KCNIP3: variants seen among roughly 807,000 people sequenced by gnomAD.
KCNIP3 encodes potassium voltage-gated channel interacting protein 3.
A neutral mutation model predicts 35.0 loss-of-function variants in KCNIP3; 28 were observed. That is an observed-to-expected ratio of 0.80 (90% CI 0.59 to 1.10). The LOEUF is 1.10. Ranked by LOEUF, KCNIP3 falls within the 50% of genes least tolerant of loss-of-function variation. The pLI, the probability that KCNIP3 is intolerant of heterozygous loss-of-function variation, is 0.00. For synonymous variants in KCNIP3, 134 were observed against 133.8 expected (o/e 1.00, Z -0.01); for missense variants, 295 against 338.4 (o/e 0.87, Z 1.01).
At chr2:95,341,330 G>T (rs1426161434) in intron 2 of KCNIP3, among the ~76,000 whole-genome samples, 1 of 152,298 alleles carries the variant, frequency 6.6e-6, no homozygotes, top group Non-Finnish European at 1.5e-5. Context: ...GAGGATACCA[G>T]CACCACGCTG....
intron 2 of KCNIP3, among the ~76,000 whole-genome samples, chr2:95,373,130 C>T (rs1423319097): frequency 2.6e-5 from 4 of 152,142 alleles, no homozygotes; most frequent in African/African-American, 9.7e-5. Context: ...GGATCACCAC[C>T]ATTCTGTGTG....
chr2:95,328,909 G>A (rs903477745), intron 2 of KCNIP3, among the ~76,000 whole-genome samples: 2 of 152,194 alleles, frequency 1.3e-5, no homozygotes, highest in Non-Finnish European at 2.9e-5. Flanking sequence ...GCAGGCTGCT[G>A]GCTGGGGCCA....
At chr2:95,364,558 G>A (rs1287696407) in intron 2 of KCNIP3, among the ~76,000 whole-genome samples, 1 of 152,176 alleles carries the variant, frequency 6.6e-6, no homozygotes, top group Non-Finnish European at 1.5e-5. Flanking sequence ...CACGGGCGCG[G>A]ATCCCTCCTG....
rs1299949215 is a variant in KCNIP3 at position 95,374,831 on chromosome 2, G to T, written c.307-17G>T. On this transcript the variant is annotated splice_polypyrimidine_tract_variant and intron_variant, in intron 3 of 8. Coordinates refer to ENST00000295225, the MANE Select transcript of KCNIP3 (RefSeq NM_013434.5). ...CTGGGGGTGGCCGAGGGCTGAGGGG[G>T]TGCCTTCCTGCTGCAGGAGTGTCCC... The T allele has an allele frequency of 2.8e-5, 45 of 1,612,650 alleles. No individual in the cohort carries two copies. The highest frequency in any genetic ancestry group is 3.6e-5 in the Non-Finnish European group (42 of 1,179,774).
At chr2:95,346,592 C>CCGCCGCCG (rs1438432285) in intron 2 of KCNIP3, 1 of 145,974 alleles carries the variant, frequency 6.9e-6, no homozygotes, top group South Asian at 2.0e-4. Flanking sequence ...CCCGGGACCC[C>CCGCCGCCG]CGCCGCCGCG....
intron 1 of KCNIP3, among the ~76,000 whole-genome samples, chr2:95,306,263 C>T (rs941871952): frequency 3.3e-5 from 5 of 152,228 alleles, no homozygotes; most frequent in Admixed American, 6.5e-5. Context: ...CATCTCTTCC[C>T]GCCGCCTTTG....
intron 2 of KCNIP3, among the ~76,000 whole-genome samples, chr2:95,350,523 A>T (rs1679487627): frequency 6.6e-6 from 1 of 151,980 alleles, no homozygotes; most frequent in Admixed American, 6.6e-5. Flanking sequence ...CCTCTGCTCC[A>T]CCTCCTGCTG....
intron 1 of KCNIP3, among the ~76,000 whole-genome samples, chr2:95,305,861 G>A (rs1354033758): frequency 6.6e-6 from 1 of 152,196 alleles, no homozygotes; most frequent in East Asian, 1.9e-4. Context: ...TCCGTGGTAT[G>A]GATGCACTGG....
At chr2:95,336,443 A>G (rs1282180204) in intron 2 of KCNIP3, among the ~76,000 whole-genome samples, 3 of 152,154 alleles carry the variant, frequency 2.0e-5, no homozygotes, top group Non-Finnish European at 4.4e-5. Context: ...TACTTTGTCC[A>G]TTTCTTTTTT....
At chr2:95,315,059 G>A (rs925478205) in intron 2 of KCNIP3, among the ~76,000 whole-genome samples, 4 of 152,160 alleles carry the variant, frequency 2.6e-5, no homozygotes, top group Non-Finnish European at 5.9e-5. Flanking sequence ...CTGGTCTTTG[G>A]TCACACCGCT....
At chr2:95,343,191 G>A (rs1573501730) in intron 2 of KCNIP3, among the ~76,000 whole-genome samples, 1 of 152,226 alleles carries the variant, frequency 6.6e-6, no homozygotes, top group East Asian at 1.9e-4. Context: ...GTGGGGACAG[G>A]CAGATATTCC....
At chr2:95,347,008 G>T (rs1679389718) in intron 2 of KCNIP3, 1 of 1,597,694 alleles carries the variant, frequency 6.3e-7, no homozygotes, top group Non-Finnish European at 8.5e-7. Context: ...GCCCCAGGCA[G>T]CCCGGCTTGC....
intron 1 of KCNIP3, among the ~76,000 whole-genome samples, chr2:95,300,208 A>G (rs1227233773): frequency 6.6e-6 from 1 of 152,192 alleles, no homozygotes; most frequent in Non-Finnish European, 1.5e-5. Flanking sequence ...CACACAAGCC[A>G]GACTCCACCT....
rs576384846 is a variant in KCNIP3 at position 95,316,346 on chromosome 2, G to A, written c.181+5826G>A. 2.6e-5 allele frequency among the ~76,000 whole-genome samples: 4 copies of A among 152,356 alleles called. 1 individual carries two copies. In the South Asian group the frequency reaches 6.2e-4, roughly 24 times the overall value. ...TCCTTTACTGGCAGGGGTGCGAGGC[G>A]CAGCAGCTCGTCTTTCCCTCTGCAA... On this transcript the variant is annotated intron_variant, in intron 2 of 8. Coordinates refer to ENST00000295225, the MANE Select transcript of KCNIP3 (RefSeq NM_013434.5).
intron 2 of KCNIP3, among the ~76,000 whole-genome samples, chr2:95,366,285 G>A (rs941293002): frequency 3.3e-5 from 5 of 152,144 alleles, no homozygotes; most frequent in Admixed American, 6.5e-5. Flanking sequence ...CTGTCCCATG[G>A]ATGTTGTCAG....
chr2:95,318,059 G>A (rs1184340720), intron 2 of KCNIP3, among the ~76,000 whole-genome samples: 1 of 151,940 alleles, frequency 6.6e-6, no homozygotes, highest in East Asian at 1.9e-4. Context: ...AGGGGTGACA[G>A]GGGGCAGGGG....
chr2:95,383,533 C>G (rs1184393918), intron 8 of KCNIP3, among the ~76,000 whole-genome samples: 2 of 152,176 alleles, frequency 1.3e-5, no homozygotes, highest in African/African-American at 4.8e-5. Context: ...ACCCCCACAC[C>G]CTCCCTCAGC....
chr2:95,383,352 G>A lies in KCNIP3; in HGVS notation c.723+58G>A, dbSNP rs1680398376. On this transcript the variant is annotated intron_variant, in intron 8 of 8. Coordinates refer to ENST00000295225, the MANE Select transcript of KCNIP3 (RefSeq NM_013434.5). ...CTGCAGGCTCTACACGGAGGTGGGT[G>A]GTTGGCAGCGTCTGCCCCTTCCCTC... The A allele has an allele frequency of 7.7e-6, 12 of 1,550,190 alleles. No homozygotes were observed. In the South Asian group the frequency reaches 1.3e-4, roughly 16 times the overall value.
At chr2:95,344,085 C>T (rs1233377954) in intron 2 of KCNIP3, among the ~76,000 whole-genome samples, 2 of 152,166 alleles carry the variant, frequency 1.3e-5, no homozygotes, top group African/African-American at 4.8e-5. Context: ...GGCAGTCCTT[C>T]CCTAACTCCC....
Sources: allele counts gnomAD v4.1 joint callset (sites outside exome capture counted in the v4.1 genomes callset), GRCh38; gene constraint gnomAD v4.1.1; transcripts MANE v1.5; gene names NCBI Gene and HGNC (gene_info 2026-07-23, HGNC 2026-07-21).